SNX9: variants seen among roughly 807,000 people sequenced by gnomAD.
SNX9 encodes the protein sorting nexin-9.
SNX9 carries 44 observed loss-of-function variants against 89.4 expected under a neutral mutation model. The ratio of observed to expected loss-of-function variants is 0.49; its 90% CI spans 0.39 to 0.63. The LOEUF (loss-of-function observed/expected upper bound fraction) is 0.63, where lower values mean the gene tolerates loss of function less well. Ranked by LOEUF, SNX9 falls within the 30% of genes least tolerant of loss-of-function variation. The pLI, the probability that SNX9 is intolerant of heterozygous loss-of-function variation, is 0.00. For missense variants in SNX9, 578 were observed against 736.1 expected, an observed-to-expected ratio of 0.79 and a Z score of 2.49; for synonymous variants, 236 against 247.8, an observed-to-expected ratio of 0.95 and a Z score of 0.45.
At position 157,875,167 on chromosome 6, in the gene SNX9, C is replaced by T. The variant is rs1782493754; in HGVS notation, c.291C>T (p.Asn97=). The T allele has an allele frequency of 1.2e-6, 2 of 1,608,952 alleles. No individual in the cohort carries two copies. Among genetic ancestry groups the T allele is most frequent in the Non-Finnish European group, 1.7e-6 (2 of 1,177,346 alleles). ...AGGCCAGTTCGTCGGCTGCCAGCAA[C>T]AATCACCAGGTACGTCTCACTTCCT... The part of the protein sequence containing the change: ...TAQASSSAAS[N]NHQVGSGNDP... Residue 97 remains asparagine (N), a synonymous_variant, in exon 4 of 18, where the codon AAC becomes AAT. Transcript: ENST00000392185.
At chr6:157,871,793 T>G (rs890953547) in intron 2 of SNX9, among the ~76,000 whole-genome samples, 8 of 130,010 alleles carry the variant, frequency 6.2e-5, no homozygotes, top group Admixed American at 2.2e-4. Context: ...TTTTTTTTTT[T>G]GCAGACAGGC....
chr6:157,825,667 T>C (rs1252712414), intron 1 of SNX9, among the ~76,000 whole-genome samples: 1 of 152,178 alleles, frequency 6.6e-6, no homozygotes, highest in Non-Finnish European at 1.5e-5. Flanking sequence ...GACAAACCAT[T>C]TCCATTTTAA....
chr6:157,859,071 T>C (rs1562596194), intron 1 of SNX9, among the ~76,000 whole-genome samples: 1 of 152,258 alleles, frequency 6.6e-6, no homozygotes, highest in Non-Finnish European at 1.5e-5. Context: ...TTAAGTTTAT[T>C]CCTAAATATT....
chr6:157,917,863 C>A (rs1265043914), intron 9 of SNX9, among the ~76,000 whole-genome samples: 1 of 151,990 alleles, frequency 6.6e-6, no homozygotes, highest in Non-Finnish European at 1.5e-5. Flanking sequence ...TGGTTGAATC[C>A]ATGGGTGCAG....
At chr6:157,887,767 T>C (rs1782767018) in intron 4 of SNX9, among the ~76,000 whole-genome samples, 1 of 152,236 alleles carries the variant, frequency 6.6e-6, no homozygotes, top group South Asian at 2.1e-4. Context: ...ACTCCAAGTT[T>C]ATTTTCATCT....
In SNX9 at chr6:157,938,625, T is replaced by C; in HGVS notation, c.1534-8T>C. 1 of 1,587,038 alleles carries C rather than the reference T, an allele frequency of 6.3e-7. No individual in the cohort carries two copies. Among genetic ancestry groups the C allele is most frequent in the South Asian group, 1.1e-5 (1 of 90,460 alleles). On this transcript the variant is annotated splice_region_variant and splice_polypyrimidine_tract_variant and intron_variant, in intron 15 of 17. Coordinates refer to ENST00000392185, the MANE Select transcript of SNX9 (RefSeq NM_016224.5). The stretch of plus-strand genomic sequence containing the variant: ...TTTATTCATACTGTTGCATTTTATA[T>C]TTCACAGGGAGCAATAGAAAAAGTG...
At chr6:157,895,036 A>C (rs1270631252) in intron 4 of SNX9, among the ~76,000 whole-genome samples, 1 of 152,210 alleles carries the variant, frequency 6.6e-6, no homozygotes. Context: ...ACATATATTT[A>C]GGAGTTTGGG....
intron 1 of SNX9, among the ~76,000 whole-genome samples, chr6:157,864,109 G>A (rs919278487): frequency 2.6e-5 from 4 of 152,302 alleles, no homozygotes; most frequent in East Asian, 1.9e-4. Flanking sequence ...GGAGGCAGGC[G>A]GTTCAAGATC....
chr6:157,836,146 T>C (rs190832939), intron 1 of SNX9, among the ~76,000 whole-genome samples: 1 of 152,120 alleles, frequency 6.6e-6, no homozygotes, highest in East Asian at 1.9e-4. Context: ...AGACAGGGTC[T>C]CTCTATGTGC....
intron 4 of SNX9, among the ~76,000 whole-genome samples, chr6:157,886,138 G>C (rs1012121860): frequency 1.6e-4 from 24 of 152,084 alleles, no homozygotes; most frequent in African/African-American, 5.8e-4. Flanking sequence ...TGTCTTAGCT[G>C]CTTACTAGGA....
At chr6:157,878,430 CATTTT>C (rs1782559604) in intron 4 of SNX9, among the ~76,000 whole-genome samples, 1 of 146,880 alleles carries the variant, frequency 6.8e-6, no homozygotes, top group Non-Finnish European at 1.5e-5. Flanking sequence ...GGAAGCCCAC[CATTTT>C]TTTTTTTTTT....
At chr6:157,829,618 T>A (rs1373654501) in intron 1 of SNX9, among the ~76,000 whole-genome samples, 1 of 152,186 alleles carries the variant, frequency 6.6e-6, no homozygotes, top group East Asian at 1.9e-4. Flanking sequence ...AAATGGTGAA[T>A]TTAAAAATTT....
At chr6:157,879,978 G>C (rs879157869) in intron 4 of SNX9, among the ~76,000 whole-genome samples, 2 of 152,202 alleles carry the variant, frequency 1.3e-5, no homozygotes, top group Admixed American at 6.5e-5. Context: ...TTTGTTTTCT[G>C]TCTCCTTCAA....
intron 1 of SNX9, among the ~76,000 whole-genome samples, chr6:157,834,150 GTTTTTTTTTTTTTTT>G (rs561509955): frequency 2.2e-4 from 8 of 35,642 alleles, no homozygotes; most frequent in African/African-American, 6.1e-4. Context: ...GTCCACTGTG[GTTTTTTTTTTTTTTT>G]TTTTTTTTTT....
At chr6:157,844,254 C>T (rs889587160) in intron 1 of SNX9, among the ~76,000 whole-genome samples, 5 of 152,058 alleles carry the variant, frequency 3.3e-5, no homozygotes, top group African/African-American at 9.7e-5. Context: ...TGCAGGAGAC[C>T]GGAGTTTTAT....
At chr6:157,860,882 T>A (rs764013474) in intron 1 of SNX9, among the ~76,000 whole-genome samples, 2 of 152,224 alleles carry the variant, frequency 1.3e-5, no homozygotes, top group African/African-American at 4.8e-5. Context: ...GATTTAAGTT[T>A]ACACTAAGTA....
At chr6:157,880,033 T>C (rs1163450093) in intron 4 of SNX9, among the ~76,000 whole-genome samples, 1 of 152,232 alleles carries the variant, frequency 6.6e-6, no homozygotes, top group Non-Finnish European at 1.5e-5. Context: ...GCTTTTGTTT[T>C]GCTGAGAGCC....
chr6:157,869,967 C>T (rs1782359006), intron 2 of SNX9, among the ~76,000 whole-genome samples: 1 of 152,042 alleles, frequency 6.6e-6, no homozygotes, highest in Non-Finnish European at 1.5e-5. Flanking sequence ...CACGTGTGCA[C>T]TCTTACACAC....
chr6:157,847,109 G>A (rs1216627288), intron 1 of SNX9, among the ~76,000 whole-genome samples: 1 of 152,062 alleles, frequency 6.6e-6, no homozygotes, highest in Admixed American at 6.6e-5. Context: ...GAGTCTGCAG[G>A]TTTTTGTTTT....
Sources: allele counts gnomAD v4.1 joint callset (sites outside exome capture counted in the v4.1 genomes callset), GRCh38; gene constraint gnomAD v4.1.1; transcripts MANE v1.5; gene names NCBI Gene and HGNC (gene_info 2026-07-23, HGNC 2026-07-21).